Variants in USP32 observed in about 807,000 individuals in gnomAD.
USP32 encodes the protein ubiquitin carboxyl-terminal hydrolase 32.
Under a neutral mutation model 204.8 loss-of-function variants are expected in USP32, and 59 were observed. That is an observed-to-expected ratio of 0.29 (90% CI 0.23 to 0.36). The LOEUF (loss-of-function observed/expected upper bound fraction) is 0.36, where lower values mean the gene tolerates loss of function less well. Among genes scored for constraint, USP32 ranks in the 10% least tolerant of loss-of-function variants. The pLI, the probability that USP32 is intolerant of heterozygous loss-of-function variation, is 1.00. For missense variants in USP32, 1,160 were observed against 1,946.4 expected, an observed-to-expected ratio of 0.60 and a Z score of 7.60; for synonymous variants, 517 against 678.4, an observed-to-expected ratio of 0.76 and a Z score of 3.70.
rs568330450 is a variant in USP32 at position 60,213,049 on chromosome 17, G to A, written c.2104+532C>T. On this transcript the variant is annotated intron_variant, in intron 18 of 33. Transcript: ENST00000300896. ...ATTACAGGCGTGAGCCACTGCGCCCGGCCTATTCATTTTAATACAAAGGCA... is the reference window on the plus strand; with the variant it reads ...ATTACAGGCGTGAGCCACTGCGCCCAGCCTATTCATTTTAATACAAAGGCA... Among the ~76,000 whole-genome samples, 25 of 152,258 alleles carry A rather than the reference G, an allele frequency of 1.6e-4. No homozygotes were observed. In the South Asian group the frequency reaches 5.2e-3, roughly 32 times the overall value.
Position 60,312,728 on chromosome 17 carries a change from C to T in USP32, c.187-11024G>A, listed in dbSNP as rs547382575. Among the ~76,000 whole-genome samples the T allele has an allele frequency of 3.3e-5, 5 of 152,176 alleles. No individual in the cohort carries two copies. The East Asian group carries it at 9.6e-4, about 29-fold the overall frequency. On this transcript the variant is annotated intron_variant, in intron 2 of 33. Transcript: ENST00000300896. ...AAGTTAAAAAGGCAAAAAATATATA[C>T]CTTTCCAAAGAACTTGATGTCACCA...
chr17:60,208,328 T>C (rs1423361190), intron 23 of USP32, 118 bp from the exon 24 acceptor site: 1 of 1,017,372 alleles, frequency 9.8e-7, no homozygotes, highest in African/African-American at 1.7e-5. Context: ...GCCTAGAATT[T>C]TTATTTTATG....
At chr17:60,349,627 T>A (rs1238321847) in intron 1 of USP32, among the ~76,000 whole-genome samples, 41 of 63,490 alleles carry the variant, frequency 6.5e-4, no homozygotes, top group African/African-American at 7.9e-4. Context: ...ATATATATTA[T>A]ATATATATAT....
chr17:60,234,282 T>C (rs1337915291), intron 12 of USP32, among the ~76,000 whole-genome samples: 1 of 151,300 alleles, frequency 6.6e-6, no homozygotes, highest in African/African-American at 2.4e-5. Flanking sequence ...CCCGGCTAAT[T>C]TGTTGTATTT....
chr17:60,314,090 GA>G (rs2087916825), intron 2 of USP32, among the ~76,000 whole-genome samples: 1 of 140,492 alleles, frequency 7.1e-6, no homozygotes, highest in Admixed American at 7.2e-5. Context: ...ACTTTAGAGT[GA>G]AAAATATAAT....
At chr17:60,400,734 G>A (rs2089928760) in intron 1 of USP32, among the ~76,000 whole-genome samples, 1 of 152,204 alleles carries the variant, frequency 6.6e-6, no homozygotes, top group African/African-American at 2.4e-5. Context: ...AAAGCTGTAA[G>A]ACCAAGATGG....
At chr17:60,224,833 T>C (rs1215213515) in intron 13 of USP32, among the ~76,000 whole-genome samples, 1 of 152,170 alleles carries the variant, frequency 6.6e-6, no homozygotes. Flanking sequence ...GTTCTGCTAC[T>C]GTACCAGAAT....
At chr17:60,339,855 C>T (rs1598264144) in intron 2 of USP32, among the ~76,000 whole-genome samples, 1 of 152,000 alleles carries the variant, frequency 6.6e-6, no homozygotes, top group East Asian at 1.9e-4. Flanking sequence ...CCAAAAATAT[C>T]GTTCCTTGCT....
At chr17:60,230,513 G>A (rs1202882090) in intron 12 of USP32, among the ~76,000 whole-genome samples, 2 of 152,174 alleles carry the variant, frequency 1.3e-5, no homozygotes, top group Admixed American at 6.5e-5. Flanking sequence ...TAGCAACTGC[G>A]GTTCTACCAC....
chr17:60,330,692 A>G (rs1344521760), intron 2 of USP32, among the ~76,000 whole-genome samples: 2 of 152,042 alleles, frequency 1.3e-5, no homozygotes, highest in Admixed American at 1.3e-4. Context: ...GACTACAGAC[A>G]CATATCATCA....
intron 2 of USP32, among the ~76,000 whole-genome samples, chr17:60,331,575 T>A (rs921281855): frequency 1.4e-5 from 2 of 139,190 alleles, no homozygotes; most frequent in Non-Finnish European, 1.6e-5. Context: ...CAAAAAAAAA[T>A]AAAATAAACT....
chr17:60,364,184 T>C (rs1483143978), intron 1 of USP32, among the ~76,000 whole-genome samples: 1 of 152,128 alleles, frequency 6.6e-6, no homozygotes, highest in East Asian at 1.9e-4. Context: ...AAGCAAGTTC[T>C]CTCAGGCCTC....
chr17:60,369,547 T>C (rs367571500), intron 1 of USP32, among the ~76,000 whole-genome samples: 3 of 152,024 alleles, frequency 2.0e-5, no homozygotes, highest in East Asian at 1.9e-4. Context: ...TTCAGATATA[T>C]GTAAGAGTAA....
intron 1 of USP32, among the ~76,000 whole-genome samples, chr17:60,402,020 C>T (rs1193433220): frequency 1.3e-5 from 2 of 152,102 alleles, no homozygotes; most frequent in Non-Finnish European, 2.9e-5. Flanking sequence ...AGGGTGCTAA[C>T]TTATCCCAGA....
intron 21 of USP32, 129 bp downstream of exon 21, chr17:60,210,884 T>G (rs1222591146): frequency 7.0e-7 from 1 of 1,418,764 alleles, no homozygotes; most frequent in African/African-American, 1.4e-5. Flanking sequence ...TTTGACCTTT[T>G]GTTTATACCA....
At chr17:60,188,416 C>G (rs1429131236) in intron 29 of USP32, among the ~76,000 whole-genome samples, 3 of 152,074 alleles carry the variant, frequency 2.0e-5, no homozygotes, top group Non-Finnish European at 4.4e-5. Flanking sequence ...TTTCTTCTGT[C>G]CTCTTTCCTA....
intron 2 of USP32, among the ~76,000 whole-genome samples, chr17:60,310,467 G>T (rs1201260025): frequency 6.7e-6 from 1 of 150,374 alleles, no homozygotes; most frequent in African/African-American, 2.5e-5. Context: ...TTGGGAGGCT[G>T]AGGTGGGCAG....
intron 1 of USP32, among the ~76,000 whole-genome samples, chr17:60,411,754 G>T (rs2090020432): frequency 6.6e-6 from 1 of 151,918 alleles, no homozygotes; most frequent in Admixed American, 6.5e-5. Flanking sequence ...GTTCATTTGT[G>T]TCTCGCTTAT....
intron 2 of USP32, among the ~76,000 whole-genome samples, chr17:60,318,591 A>T (rs1008287593): frequency 4.3e-4 from 65 of 152,332 alleles, no homozygotes; most frequent in African/African-American, 1.5e-3. Flanking sequence ...TGAAACTGTG[A>T]CAAAATCATT....
Sources: allele counts gnomAD v4.1 joint callset (sites outside exome capture counted in the v4.1 genomes callset), GRCh38; gene constraint gnomAD v4.1.1; transcripts MANE v1.5; gene names NCBI Gene and HGNC (gene_info 2026-07-23, HGNC 2026-07-21).